Variants in DMD observed in about 807,000 individuals in gnomAD.
DMD encodes mutant dystrophin.
In DMD, 63 loss-of-function variants were observed where a neutral mutation model predicts 330.1. The ratio of observed to expected loss-of-function variants is 0.19; its 90% confidence interval spans 0.16 to 0.24. The LOEUF is 0.24. DMD is among the 10% of genes least tolerant of loss of function. DMD has a pLI of 1.00. For synonymous variants in DMD, 1,223 were observed against 959.8 expected (o/e 1.27, Z -5.07); for missense variants, 3,344 against 2,684.1 (o/e 1.25, Z -5.43).
At chrX:32,526,472 C>T (rs1333761187) in intron 17 of DMD, among the ~76,000 whole-genome samples, 1 of 108,887 alleles carries the variant, frequency 9.2e-6, no homozygotes, top group Non-Finnish European at 1.9e-5. Context: ...GACAATTTTT[C>T]AAAAAGACCT....
At chrX:31,484,491 A>G (rs1378456161) in intron 57 of DMD, among the ~76,000 whole-genome samples, 1 of 111,905 alleles carries the variant, frequency 8.9e-6, no homozygotes, top group African/African-American at 3.2e-5. Context: ...TTTCCAAGAC[A>G]GCCAGACCCA....
chrX:31,846,434 TACACACACAC>T lies in DMD; in HGVS notation c.7099-9625_7099-9616del, dbSNP rs67231830. Among the ~76,000 whole-genome samples, 10 of 95,464 alleles carry T rather than the reference TACACACACAC, an allele frequency of 1.0e-4. 1 individual carries two copies. The highest frequency in any genetic ancestry group is 6.7e-4 in the East Asian group (2 of 3,006). The allele number at this position is 95,464 out of a possible 115,157, so 82.9% of individuals were successfully genotyped here. A position where few individuals can be genotyped will look rare whatever the true frequency, so the allele number is the denominator to read the frequency against. ...ACGTTTGCTCTGGAAAATCAAGAAA[TACACACACAC>T]ACACACACACACACACACACACACA... is the stretch of plus-strand genomic sequence containing the variant. On this transcript the variant is annotated intron_variant, in intron 48 of 78. Coordinates refer to ENST00000357033, the MANE Select transcript of DMD (RefSeq NM_004006.3).
chrX:32,518,999 T>C (rs1276782875), intron 17 of DMD, among the ~76,000 whole-genome samples: 20 of 7,948 alleles, frequency 2.5e-3, no homozygotes, highest in African/African-American at 0.011. Flanking sequence ...TTTCAAACCT[T>C]TTTTTTTTTT....
At chrX:31,636,678 T>C (rs1201848668) in intron 54 of DMD, among the ~76,000 whole-genome samples, 4 of 111,925 alleles carry the variant, frequency 3.6e-5, no homozygotes, top group Admixed American at 1.9e-4. Context: ...AATATGTCAC[T>C]ATTCTCAAAA....
intron 21 of DMD, among the ~76,000 whole-genome samples, chrX:32,479,730 T>G (rs754286059): frequency 9.1e-6 from 1 of 109,969 alleles, no homozygotes; most frequent in African/African-American, 3.3e-5. Context: ...TATATCTCTA[T>G]ATATCAGTAT....
intron 2 of DMD, among the ~76,000 whole-genome samples, chrX:32,888,614 AAAT>A (rs1185686278): frequency 8.9e-6 from 1 of 111,874 alleles, no homozygotes; most frequent in Non-Finnish European, 1.9e-5. Flanking sequence ...CTTCAAAAAA[AAAT>A]AAAAATAGAA....
At chrX:32,123,412 C>T (rs1459449757) in intron 44 of DMD, among the ~76,000 whole-genome samples, 1 of 106,103 alleles carries the variant, frequency 9.4e-6, no homozygotes, top group Non-Finnish European at 1.9e-5. Context: ...TGTTGTGAGG[C>T]TCAAGAATGG....
At chrX:33,056,707 T>C (rs2094522554) in intron 1 of DMD, among the ~76,000 whole-genome samples, 1 of 111,674 alleles carries the variant, frequency 9.0e-6, no homozygotes, top group African/African-American at 3.3e-5. Flanking sequence ...GTTCGTTCAT[T>C]CATTCAATAA....
intron 43 of DMD, among the ~76,000 whole-genome samples, chrX:32,233,609 T>TTATTTATGTATG (rs1401971865): frequency 2.3e-5 from 2 of 88,299 alleles, no homozygotes; most frequent in African/African-American, 8.4e-5. Flanking sequence ...TTTTATTTAT[T>TTATTTATGTATG]TATTTATTTA....
chrX:31,175,020 T>C (rs2040369528), intron 71 of DMD, among the ~76,000 whole-genome samples: 1 of 111,856 alleles, frequency 8.9e-6, no homozygotes, highest in Non-Finnish European at 1.9e-5. Context: ...GAAACTTCAC[T>C]ATAGTTTTGG....
intron 45 of DMD, among the ~76,000 whole-genome samples, chrX:31,943,853 C>T (rs1176610170): frequency 3.2e-5 from 3 of 94,476 alleles, no homozygotes; most frequent in African/African-American, 1.2e-4. Flanking sequence ...TATATAGAGA[C>T]GGAAACCCGA....
chrX:33,014,570 A>G (rs755370360), intron 2 of DMD, among the ~76,000 whole-genome samples: 9 of 111,570 alleles, frequency 8.1e-5, no homozygotes. Flanking sequence ...ACAAGGAAAT[A>G]TGGCTTATTA....
At chrX:32,417,089 G>C (rs1188368093) in intron 29 of DMD, among the ~76,000 whole-genome samples, 7 of 111,748 alleles carry the variant, frequency 6.3e-5, no homozygotes, top group African/African-American at 2.3e-4. Context: ...CTATGGATAT[G>C]AATGCATTGA....
At chrX:32,385,639 G>T (rs1442273639) in intron 33 of DMD, among the ~76,000 whole-genome samples, 1 of 30,821 alleles carries the variant, frequency 3.2e-5, no homozygotes, top group Non-Finnish European at 5.5e-5. Context: ...CAGAATATTT[G>T]AGTTGAGCGA....
chrX:32,032,154 AATTG>A (rs942556512), intron 44 of DMD, among the ~76,000 whole-genome samples: 3 of 111,648 alleles, frequency 2.7e-5, no homozygotes, highest in Non-Finnish European at 5.7e-5. Context: ...AATAAAATTA[AATTG>A]ATTGAAGATA....
At chrX:31,909,170 T>C (rs1325274015) in intron 47 of DMD, among the ~76,000 whole-genome samples, 1 of 112,382 alleles carries the variant, frequency 8.9e-6, no homozygotes, top group Non-Finnish European at 1.9e-5. Context: ...TGTCTGTTTA[T>C]CAGTCAATCA....
chrX:31,242,563 A>C (rs1191815601), intron 63 of DMD, among the ~76,000 whole-genome samples: 1 of 111,291 alleles, frequency 9.0e-6, no homozygotes, highest in Admixed American at 9.6e-5. Context: ...ACGGTCTTGT[A>C]ACATTTATTA....
At chrX:31,308,327 A>T (rs2055204850) in intron 62 of DMD, among the ~76,000 whole-genome samples, 1 of 112,284 alleles carries the variant, frequency 8.9e-6, no homozygotes, top group Non-Finnish European at 1.9e-5. Flanking sequence ...ATATTCACTT[A>T]AAGATGCTTT....
intron 33 of DMD, among the ~76,000 whole-genome samples, chrX:32,383,200 C>T (rs930467306): frequency 2.7e-5 from 3 of 110,525 alleles, no homozygotes; most frequent in Non-Finnish European, 5.7e-5. Context: ...GAAAGCTCTC[C>T]TCAGGAATGA....
Sources: allele counts gnomAD v4.1 joint callset (sites outside exome capture counted in the v4.1 genomes callset), GRCh38; gene constraint gnomAD v4.1.1; transcripts MANE v1.5; gene names NCBI Gene and HGNC (gene_info 2026-07-23, HGNC 2026-07-21).